Variants in SUCO observed in about 807,000 individuals in gnomAD.
SUCO encodes the protein SUN domain containing ossification factor.
Under a neutral mutation model 148.1 loss-of-function variants are expected in SUCO, and 57 were observed. The observed-to-expected ratio is 0.38, with a 90% confidence interval of 0.31 to 0.48. SUCO has a LOEUF of 0.48. SUCO is among the 20% of genes least tolerant of loss of function. The pLI, the probability that SUCO is intolerant of heterozygous loss-of-function variation, is 0.96. For synonymous variants in SUCO, 470 were observed against 502.7 expected (o/e 0.93, Z 0.87); for missense variants, 1,331 against 1,468.2 (o/e 0.91, Z 1.53).
intron 3 of SUCO, among the ~76,000 whole-genome samples, chr1:172,553,764 T>G (rs1360726262): frequency 1.3e-5 from 2 of 152,184 alleles, no homozygotes; most frequent in African/African-American, 4.8e-5. Flanking sequence ...TTTCCACTTA[T>G]TGTGGGTATG....
chr1:172,569,077 A>G lies in SUCO; in HGVS notation c.791A>G (p.Asp264Gly), dbSNP rs1362242154. The G allele has an allele frequency of 1.3e-6, 2 of 1,597,318 alleles. No homozygotes were observed. Among genetic ancestry groups the G allele is most frequent in the African/African-American group, 1.3e-5 (1 of 74,298 alleles). ...IDPTSVASPK[D>G]PEDIPTFDEW... Reference sequence around the variant, plus strand: ...CCTACATCAGTAGCAAGTCCCAAAGATCCAGAAGATATACCAACATTTGAT... The same window carrying G: ...CCTACATCAGTAGCAAGTCCCAAAGGTCCAGAAGATATACCAACATTTGAT... Residue 264 changes from aspartate (D) to glycine (G), a missense_variant, in exon 7 of 24, where the codon GAT becomes GGT. Asp to Gly is a moderately conservative substitution (Grantham distance 94). This residue lies in a region of SUCO where 992 missense variants were observed against 1,093.5 expected (regional missense o/e 0.91). Transcript: ENST00000263688.
chr1:172,538,414 GA>G (rs1281417748), intron 1 of SUCO, among the ~76,000 whole-genome samples: 1 of 152,006 alleles, frequency 6.6e-6, no homozygotes, highest in African/African-American at 2.4e-5. Flanking sequence ...TAAGTGAGCA[GA>G]AAAAAATTTA....
Position 172,602,686 on chromosome 1 carries a change from A to G in SUCO, c.3174-10A>G, listed in dbSNP as rs750283572. The G allele has an allele frequency of 6.2e-7, 1 of 1,607,468 alleles. No individual in the cohort carries two copies. The highest frequency in any genetic ancestry group is 8.5e-7 in the Non-Finnish European group (1 of 1,178,302). On this transcript the variant is annotated splice_polypyrimidine_tract_variant and intron_variant, in intron 21 of 23. Coordinates refer to ENST00000263688, the MANE Select transcript of SUCO (RefSeq NM_014283.5). Reference sequence around the variant, plus strand: ...GTTGTAACCAATATGTATTTTTCCTAATGTGTTAGGTGTTTCTCTTCCTAT... The same window carrying G: ...GTTGTAACCAATATGTATTTTTCCTGATGTGTTAGGTGTTTCTCTTCCTAT...
intron 1 of SUCO, among the ~76,000 whole-genome samples, chr1:172,546,146 G>T (rs1489374313): frequency 1.3e-5 from 2 of 152,070 alleles, no homozygotes; most frequent in African/African-American, 4.8e-5. Flanking sequence ...TTGTTGCCCA[G>T]GCTGGTCTCT....
chr1:172,532,765 C>A (rs1182973915), upstream of SUCO: 3 of 1,613,210 alleles, frequency 1.9e-6, no homozygotes, highest in Non-Finnish European at 2.5e-6. Context: ...CTCCCAAAGG[C>A]CCTTGCGCGG....
chr1:172,611,487 T>G lies in SUCO; in HGVS notation c.*1228T>G, dbSNP rs1007080533. The G allele has an allele frequency of 6.5e-6, 1 of 152,684 alleles. No homozygotes were observed. Among genetic ancestry groups the G allele is most frequent in the African/African-American group, 2.4e-5 (1 of 41,472 alleles). The allele number at this position is 152,684 out of a possible 1,614,324, so 9.5% of individuals were successfully genotyped here. On this transcript the variant is annotated 3_prime_UTR_variant, in exon 24 of 24. Transcript: ENST00000263688. ...TTAAGTTATAACTTATTGAGCACTT[T>G]TAGTAGTGATAACTGTTTTTAAACT...
chr1:172,583,169 T>C (rs1347625106), intron 15 of SUCO, among the ~76,000 whole-genome samples: 1 of 152,086 alleles, frequency 6.6e-6, no homozygotes, highest in Non-Finnish European at 1.5e-5. Flanking sequence ...AAATAACAGT[T>C]TCCATTCCAG....
At chr1:172,588,181 G>A (rs561564359) in intron 17 of SUCO, 23 of 985,258 alleles carry the variant, frequency 2.3e-5, no homozygotes, top group Middle Eastern at 5.2e-4. Flanking sequence ...GTGTGTGTGC[G>A]TTGTGTGTTT....
rs778940769 is a variant in SUCO, at chr1:172,585,365, C to T, written c.1567+279C>T. The T allele has an allele frequency of 1.6e-4, 26 of 162,200 alleles. 1 individual carries two copies. The highest frequency in any genetic ancestry group is 2.2e-4 in the Non-Finnish European group (17 of 77,528). The allele number at this position is 162,200 out of a possible 1,614,324, so 10.0% of individuals were successfully genotyped here. ...ATGATTTTATTCCTTATCTCTTTAC[C>T]GAGATTTTGATGTCCTAATGGTACT... On this transcript the variant is annotated intron_variant, in intron 16 of 23. Coordinates refer to ENST00000263688, the MANE Select transcript of SUCO (RefSeq NM_014283.5).
intron 19 of SUCO, among the ~76,000 whole-genome samples, chr1:172,599,013 A>G (rs991816057): frequency 1.3e-5 from 2 of 152,212 alleles, no homozygotes; most frequent in Non-Finnish European, 2.9e-5. Flanking sequence ...TAGGTCTAGA[A>G]TAATAAATAG....
intron 9 of SUCO, among the ~76,000 whole-genome samples, chr1:172,571,329 G>A (rs1418418817): frequency 7.2e-5 from 11 of 152,334 alleles, no homozygotes; most frequent in East Asian, 3.9e-4. Flanking sequence ...CCGAGGTGCC[G>A]GGATTGCAGA....
At position 172,602,741 on chromosome 1, in the gene SUCO, A is replaced by G; in HGVS notation, c.3219A>G (p.Ser1073=). Residue 1073 remains serine (S), a synonymous_variant, in exon 22 of 24, where the codon TCA becomes TCG. Transcript: ENST00000263688. ...YDDMNLKRRT[S]FPLMRSKSLQ... ...ATATGAATTTGAAAAGAAGAACTTC[A>G]TTCCCACTCATGAGATCCAAGTCTC... 3 of 1,613,256 alleles carry G rather than the reference A, an allele frequency of 1.9e-6. No homozygotes were observed. The highest frequency in any genetic ancestry group is 2.5e-6 in the Non-Finnish European group (3 of 1,179,704).
At chr1:172,590,054 A>C in intron 18 of SUCO, 128 bp downstream of exon 18, 2 of 696,610 alleles carry the variant, frequency 2.9e-6, no homozygotes. Context: ...CAATTTTAGC[A>C]AGAGAGAGAA....
At chr1:172,595,866 G>A (rs910472499) in intron 19 of SUCO, among the ~76,000 whole-genome samples, 47 of 152,184 alleles carry the variant, frequency 3.1e-4, no homozygotes, top group Admixed American at 3.1e-3. Context: ...ATACCCTGCA[G>A]CATGTTTTCC....
chr1:172,556,572 C>T, intron 4 of SUCO: 1 of 976,128 alleles, frequency 1.0e-6, no homozygotes, highest in Non-Finnish European at 1.2e-6. Context: ...CTACATTAAG[C>T]ATTTCCTTTA....
intron 3 of SUCO, chr1:172,555,360 T>G: frequency 1.0e-6 from 1 of 985,102 alleles, no homozygotes; most frequent in Non-Finnish European, 1.2e-6. Flanking sequence ...TAGGTAGATT[T>G]CACATTGTGT....
At chr1:172,571,707 C>T (rs111660992) in intron 9 of SUCO, among the ~76,000 whole-genome samples, 25 of 89,566 alleles carry the variant, frequency 2.8e-4, no homozygotes, top group South Asian at 1.4e-3. Flanking sequence ...GCCTCTGCCC[C>T]GCCGCCCCGT....
At position 172,589,508 on chromosome 1, in the gene SUCO, A is replaced by G; in HGVS notation, c.2407A>G (p.Met803Val). Residue 803 changes from methionine to valine, a missense_variant, in exon 18 of 24, where the codon ATG (methionine) becomes GTG (valine). By Grantham distance (21) the Met-to-Val change is conservative (BLOSUM62 1). Coordinates refer to ENST00000263688, the MANE Select transcript of SUCO (RefSeq NM_014283.5). ...TYETNKVNEL[M>V]DNIIKEDVNS... is the part of the protein sequence containing the mutation. ...TGAAACAAATAAAGTTAATGAGTTAATGGATAATATTATAAAAGAAGATGT... is the reference window on the plus strand; with the variant it reads ...TGAAACAAATAAAGTTAATGAGTTAGTGGATAATATTATAAAAGAAGATGT... 6.2e-7 allele frequency: 1 copy of G among 1,612,882 alleles called. No homozygotes were observed. Among genetic ancestry groups the G allele is most frequent in the Non-Finnish European group, 8.5e-7 (1 of 1,179,478 alleles).
chr1:172,605,991 G>A (rs1273476191), intron 22 of SUCO, among the ~76,000 whole-genome samples: 1 of 151,280 alleles, frequency 6.6e-6, no homozygotes, highest in African/African-American at 2.4e-5. Flanking sequence ...ATTGTCATAG[G>A]TATTCTATAA....
Sources: gnomAD v4.1 joint callset for allele counts (sites outside exome capture counted in the v4.1 genomes callset) on GRCh38, gnomAD v4.1.1 for gene constraint, gnomAD v4.1.1 regional missense constraint, MANE v1.5 for transcripts, NCBI Gene and HGNC (gene_info 2026-07-23, HGNC 2026-07-21) for gene names.